Variants in CSGALNACT1 observed in about 807,000 individuals in gnomAD.
CSGALNACT1 encodes the protein beta4GalNAcT-1.
A neutral mutation model predicts 51.0 loss-of-function variants in CSGALNACT1; 52 were observed. The ratio of observed to expected loss-of-function variants is 1.02; its 90% CI spans 0.82 to 1.29. The LOEUF (loss-of-function observed/expected upper bound fraction) is 1.29, where lower values mean the gene tolerates loss of function less well. Among genes scored for constraint, CSGALNACT1 ranks in the 50% most tolerant of loss-of-function variants. CSGALNACT1 has a pLI of 0.00. For missense variants in CSGALNACT1, 935 were observed against 679.2 expected (o/e 1.38, Z -4.19); for synonymous variants, 341 against 254.4 (o/e 1.34, Z -3.24).
intron 3 of CSGALNACT1, among the ~76,000 whole-genome samples, chr8:19,547,632 C>G (rs1187477846): frequency 6.6e-6 from 1 of 152,178 alleles, no homozygotes; most frequent in Non-Finnish European, 1.5e-5. Context: ...TCCACTAAAT[C>G]TCTTTCTTTA....
At chr8:19,408,009 T>C (rs1045963487) in intron 9 of CSGALNACT1, among the ~76,000 whole-genome samples, 1 of 151,934 alleles carries the variant, frequency 6.6e-6, no homozygotes, top group Non-Finnish European at 1.5e-5. Context: ...TTTTGAAGGT[T>C]AGCAGAGAGA....
intron 5 of CSGALNACT1, among the ~76,000 whole-genome samples, chr8:19,458,051 C>G (rs892592535): frequency 7.9e-5 from 12 of 152,298 alleles, no homozygotes; most frequent in Non-Finnish European, 1.8e-4. Context: ...TCTGCCACCA[C>G]CAGCTCCTCT....
intron 1 of CSGALNACT1, among the ~76,000 whole-genome samples, chr8:19,668,690 C>T (rs1002108101): frequency 2.0e-5 from 3 of 152,080 alleles, no homozygotes; most frequent in African/African-American, 4.8e-5. Flanking sequence ...AAGTAGCTGG[C>T]ATTAAAGGCG....
intron 1 of CSGALNACT1, among the ~76,000 whole-genome samples, chr8:19,621,074 T>C (rs576750678): frequency 6.6e-6 from 1 of 152,222 alleles, no homozygotes; most frequent in Non-Finnish European, 1.5e-5. Context: ...GAGTTCTTTA[T>C]CAGGAAAACC....
intron 1 of CSGALNACT1, among the ~76,000 whole-genome samples, chr8:19,751,970 A>C (rs554509608): frequency 6.6e-6 from 1 of 151,334 alleles, no homozygotes; most frequent in Non-Finnish European, 1.5e-5. Flanking sequence ...AGACTAATAC[A>C]TGTGTATATT....
chr8:19,750,020 T>C (rs1036963063), intron 1 of CSGALNACT1, among the ~76,000 whole-genome samples: 1 of 152,156 alleles, frequency 6.6e-6, no homozygotes, highest in Non-Finnish European at 1.5e-5. Flanking sequence ...TGACCCAGCC[T>C]TGGACCCCTC....
intron 1 of CSGALNACT1, among the ~76,000 whole-genome samples, chr8:19,742,115 C>A (rs2064353923): frequency 1.3e-5 from 2 of 152,180 alleles, no homozygotes; most frequent in African/African-American, 4.8e-5. Flanking sequence ...TGTTATAATG[C>A]CCATTTTACA....
chr8:19,518,098 G>A (rs2079916477), intron 3 of CSGALNACT1, among the ~76,000 whole-genome samples: 1 of 152,068 alleles, frequency 6.6e-6, no homozygotes, highest in Non-Finnish European at 1.5e-5. Flanking sequence ...AACAAAGAGG[G>A]GACTAATTTA....
At chr8:19,496,294 G>C (rs1165950936) in intron 4 of CSGALNACT1, among the ~76,000 whole-genome samples, 1 of 152,236 alleles carries the variant, frequency 6.6e-6, no homozygotes, top group Middle Eastern at 3.4e-3. Flanking sequence ...CACGGGATCC[G>C]AGGCTTTCAT....
intron 4 of CSGALNACT1, among the ~76,000 whole-genome samples, chr8:19,487,190 C>A (rs575105180): frequency 6.6e-6 from 1 of 152,232 alleles, no homozygotes; most frequent in African/African-American, 2.4e-5. Context: ...TACTCACATT[C>A]TGCTCCAGAG....
chr8:19,733,115 T>C (rs1176385280), intron 1 of CSGALNACT1, among the ~76,000 whole-genome samples: 1 of 152,244 alleles, frequency 6.6e-6, no homozygotes, highest in Non-Finnish European at 1.5e-5. Context: ...GTAGAACTTC[T>C]GGACAGAAGT....
intron 1 of CSGALNACT1, among the ~76,000 whole-genome samples, chr8:19,664,932 A>G (rs934613309): frequency 6.6e-6 from 1 of 152,214 alleles, no homozygotes; most frequent in Non-Finnish European, 1.5e-5. Flanking sequence ...AATGGGTACA[A>G]TGTATACTAT....
chr8:19,429,771 A>T (rs1220016048), intron 6 of CSGALNACT1, among the ~76,000 whole-genome samples: 1 of 152,228 alleles, frequency 6.6e-6, no homozygotes, highest in Non-Finnish European at 1.5e-5. Flanking sequence ...TCAGATAATA[A>T]TACTACGTTT....
At chr8:19,505,335 G>T in exon 4 of CSGALNACT1, 1 of 1,614,178 alleles carries the variant, frequency 6.2e-7, no homozygotes, top group Non-Finnish European at 8.5e-7. Flanking sequence ...CTTCTCCTCG[G>T]GGTGGCGGGT....
At chr8:19,617,377 C>T (rs951483094) in intron 1 of CSGALNACT1, among the ~76,000 whole-genome samples, 10 of 152,152 alleles carry the variant, frequency 6.6e-5, no homozygotes, top group African/African-American at 2.2e-4. Flanking sequence ...CTGAATTAAA[C>T]CTCTTTTCTT....
At chr8:19,531,176 G>A (rs2082699732) in intron 3 of CSGALNACT1, among the ~76,000 whole-genome samples, 1 of 152,188 alleles carries the variant, frequency 6.6e-6, no homozygotes, top group Non-Finnish European at 1.5e-5. Context: ...AAATCCTCAT[G>A]ACATTCCACC....
At chr8:19,609,367 G>C (rs2051860547) in intron 1 of CSGALNACT1, among the ~76,000 whole-genome samples, 1 of 148,270 alleles carries the variant, frequency 6.7e-6, no homozygotes, top group Non-Finnish European at 1.5e-5. Flanking sequence ...AGATAATGAA[G>C]TTTAAAAATA....
intron 3 of CSGALNACT1, among the ~76,000 whole-genome samples, chr8:19,524,538 A>AT (rs943873507): frequency 1.3e-4 from 20 of 151,920 alleles, no homozygotes; most frequent in African/African-American, 2.4e-4. Context: ...CATAGTCCTA[A>AT]TTTTTTTAAT....
intron 1 of CSGALNACT1, among the ~76,000 whole-genome samples, chr8:19,710,951 AAAG>A (rs1221939345): frequency 6.6e-5 from 10 of 152,174 alleles, no homozygotes; most frequent in Middle Eastern, 6.8e-3. Context: ...GTACTGCCTG[AAAG>A]AAGGATTAGT....
Sources: allele counts gnomAD v4.1 joint callset (sites outside exome capture counted in the v4.1 genomes callset), GRCh38; gene constraint gnomAD v4.1.1; transcripts MANE v1.5; gene names NCBI Gene and HGNC (gene_info 2026-07-23, HGNC 2026-07-21).